The following CHD1L variants were observed in gnomAD, a reference collection of about 807,000 sequenced individuals.
CHD1L encodes ATP-dependent chromatin remodeler CHD1L.
In CHD1L, 118 loss-of-function variants were observed where a neutral mutation model predicts 115.9. That is an observed-to-expected ratio of 1.02 (90% CI 0.88 to 1.19). The LOEUF is 1.19. Among genes scored for constraint, CHD1L ranks in the 50% most tolerant of loss-of-function variants. The pLI, the probability that CHD1L is intolerant of heterozygous loss-of-function variation, is 0.00. For missense variants in CHD1L, 1,179 were observed against 1,065.3 expected, an observed-to-expected ratio of 1.11 and a Z score of -1.49; for synonymous variants, 411 against 387.1, an observed-to-expected ratio of 1.06 and a Z score of -0.72.
chr1:147,292,331 C>G (rs1395467374), intron 20 of CHD1L, among the ~76,000 whole-genome samples: 1 of 152,174 alleles, frequency 6.6e-6, no homozygotes, highest in Non-Finnish European at 1.5e-5. Context: ...ATGTCCTCTG[C>G]CCACATCAGA....
At chr1:147,257,766 C>A (rs187106474) in intron 5 of CHD1L, among the ~76,000 whole-genome samples, 3 of 152,262 alleles carry the variant, frequency 2.0e-5, no homozygotes, top group East Asian at 3.9e-4. Context: ...GGTAACCCAT[C>A]CAAGGTTACA....
chr1:147,292,233 G>A (rs587602822), intron 20 of CHD1L, among the ~76,000 whole-genome samples: 34 of 152,294 alleles, frequency 2.2e-4, no homozygotes, highest in African/African-American at 7.2e-4. Flanking sequence ...GAACTCTGAC[G>A]GTTTCATTTC....
At chr1:147,242,916 G>T (rs1665203836) in intron 1 of CHD1L, 86 bp downstream of exon 1, 4 of 1,223,142 alleles carry the variant, frequency 3.3e-6, no homozygotes, top group Middle Eastern at 2.9e-4. Context: ...CGGGTGGGCC[G>T]CCCGGTGGGC....
chr1:147,197,890 GTA>G, the CHD1L span, among the ~76,000 whole-genome samples: 2 of 152,176 alleles, frequency 1.3e-5, no homozygotes, highest in South Asian at 4.1e-4. Context: ...TAAAAGGTCA[GTA>G]TATGTTATCT....
chr1:147,234,463 T>C, the CHD1L span, among the ~76,000 whole-genome samples: 3 of 152,184 alleles, frequency 2.0e-5, no homozygotes, highest in East Asian at 5.8e-4. Context: ...GCCATCATGG[T>C]AGGCTGAAAA....
chr1:147,215,729 C>T, the CHD1L span: 1 of 1,537,936 alleles, frequency 6.5e-7, no homozygotes, highest in East Asian at 2.3e-5. Context: ...ACTTCAAACA[C>T]AAAGATACCC....
At chr1:147,203,124 T>TTA in the CHD1L span, among the ~76,000 whole-genome samples, 1 of 151,794 alleles carries the variant, frequency 6.6e-6, no homozygotes, top group African/African-American at 2.4e-5. Flanking sequence ...CTTTTTTTTT[T>TTA]TTGACAGTAA....
intron 13 of CHD1L, 81 bp downstream of exon 13, chr1:147,275,549 G>A (rs2102737463): frequency 9.1e-7 from 1 of 1,099,484 alleles, no homozygotes; most frequent in Middle Eastern, 2.0e-4. Context: ...TAGTCCTGGT[G>A]ACAGTCCCAC....
chr1:147,203,364 A>G, the CHD1L span: 9 of 1,224,706 alleles, frequency 7.3e-6, no homozygotes, highest in Non-Finnish European at 1.1e-5. Context: ...GACCCACTCT[A>G]AGTACAGTGA....
the CHD1L span, chr1:147,178,800 T>C: frequency 6.2e-7 from 1 of 1,605,138 alleles, no homozygotes; most frequent in Middle Eastern, 1.7e-4. Flanking sequence ...AAATGACCAG[T>C]GGCAAAATTA....
chr1:147,201,372 A>T, the CHD1L span: 12 of 1,614,188 alleles, frequency 7.4e-6, no homozygotes, highest in Non-Finnish European at 1.0e-5. Flanking sequence ...CATCAATGTC[A>T]TCCTCCCTGG....
intron 1 of CHD1L, among the ~76,000 whole-genome samples, chr1:147,246,968 C>CCATGAT (rs1406533659): frequency 7.9e-5 from 12 of 152,116 alleles, no homozygotes; most frequent in Non-Finnish European, 1.2e-4. Context: ...TTATTTAAGT[C>CCATGAT]CATGATCTAC....
the CHD1L span, among the ~76,000 whole-genome samples, chr1:147,217,285 T>G: frequency 6.6e-6 from 1 of 152,032 alleles, no homozygotes; most frequent in African/African-American, 2.4e-5. Flanking sequence ...CTATTAACTA[T>G]CTTATAGCAT....
intron 17 of CHD1L, among the ~76,000 whole-genome samples, chr1:147,285,697 ATTG>A (rs1682823982): frequency 6.6e-6 from 1 of 152,018 alleles, no homozygotes; most frequent in Non-Finnish European, 1.5e-5. Context: ...TAAAACCAGA[ATTG>A]TTTTCTTTTT....
intron 1 of CHD1L, among the ~76,000 whole-genome samples, chr1:147,244,757 G>A (rs1666053488): frequency 1.3e-5 from 2 of 151,634 alleles, no homozygotes; most frequent in Non-Finnish European, 2.9e-5. Context: ...TCAGTATATG[G>A]ATGTACCATA....
intron 17 of CHD1L, 148 bp downstream of exon 17, chr1:147,285,635 C>T: frequency 1.1e-6 from 1 of 924,282 alleles, no homozygotes; most frequent in Non-Finnish European, 1.6e-6. Context: ...AAAACATTTC[C>T]TCTAGGTAAG....
chr1:147,262,947 A>G (rs587664640), intron 6 of CHD1L, among the ~76,000 whole-genome samples: 7 of 152,296 alleles, frequency 4.6e-5, no homozygotes, highest in African/African-American at 1.7e-4. Flanking sequence ...GTGTGTATAC[A>G]TTCAAAAAGT....
intron 20 of CHD1L, among the ~76,000 whole-genome samples, chr1:147,292,334 A>G (rs1685847195): frequency 6.6e-6 from 1 of 152,224 alleles, no homozygotes; most frequent in Non-Finnish European, 1.5e-5. Context: ...TCCTCTGCCC[A>G]CATCAGAATC....
chr1:147,266,813 T>A (rs587623064), intron 8 of CHD1L, among the ~76,000 whole-genome samples: 3 of 152,348 alleles, frequency 2.0e-5, no homozygotes, highest in Non-Finnish European at 4.4e-5. Flanking sequence ...TAAGAACAAA[T>A]CTTCTGTCTG....
Sources: gnomAD v4.1 joint callset for allele counts (sites outside exome capture counted in the v4.1 genomes callset) on GRCh38, gnomAD v4.1.1 for gene constraint, MANE v1.5 for transcripts, NCBI Gene and HGNC (gene_info 2026-07-23, HGNC 2026-07-21) for gene names.